NXPH2: variants seen among roughly 807,000 people sequenced by gnomAD.
NXPH2 encodes the protein neurexophilin 2.
A neutral mutation model predicts 19.8 loss-of-function variants in NXPH2; 5 were observed. The ratio of observed to expected loss-of-function variants is 0.25; its 90% CI spans 0.13 to 0.53. The LOEUF (loss-of-function observed/expected upper bound fraction) is 0.53. NXPH2 is among the 20% of genes least tolerant of loss of function. The pLI, the probability that NXPH2 is intolerant of heterozygous loss-of-function variation, is 0.96. For missense variants in NXPH2, 289 were observed against 322.8 expected, an observed-to-expected ratio of 0.90 and a Z score of 0.80; for synonymous variants, 154 against 127.4, an observed-to-expected ratio of 1.21 and a Z score of -1.41.
intron 1 of NXPH2, among the ~76,000 whole-genome samples, chr2:138,680,801 C>T (rs576556998): frequency 2.5e-4 from 38 of 152,256 alleles, no homozygotes; most frequent in African/African-American, 8.7e-4. Flanking sequence ...ACCAATTGAT[C>T]TTGGAATTTA....
intron 1 of NXPH2, among the ~76,000 whole-genome samples, chr2:138,688,477 C>T (rs10928661): frequency 0.15 from 22,878 of 152,154 alleles, 1,913 homozygotes; most frequent in East Asian, 0.22. Flanking sequence ...CCACCATGCT[C>T]GGATGAGGCA....
chr2:138,759,523 A>G (rs921916718), intron 1 of NXPH2, among the ~76,000 whole-genome samples: 2 of 151,856 alleles, frequency 1.3e-5, no homozygotes, highest in Non-Finnish European at 2.9e-5. Context: ...TGGGCAGAGT[A>G]CCAAGGACAG....
intron 1 of NXPH2, among the ~76,000 whole-genome samples, chr2:138,682,927 A>G (rs1680599245): frequency 6.6e-6 from 1 of 152,232 alleles, no homozygotes; most frequent in Admixed American, 6.5e-5. Context: ...GTATGCATGC[A>G]CATACCATAG....
At chr2:138,731,725 G>C (rs1681455746) in intron 1 of NXPH2, among the ~76,000 whole-genome samples, 1 of 151,986 alleles carries the variant, frequency 6.6e-6, no homozygotes, top group African/African-American at 2.4e-5. Flanking sequence ...GACAGGACTG[G>C]AGACCAAGGA....
chr2:138,687,963 C>T (rs2104973812), intron 1 of NXPH2, among the ~76,000 whole-genome samples: 1 of 152,228 alleles, frequency 6.6e-6, no homozygotes, highest in Admixed American at 6.5e-5. Context: ...AGTTTGAAGT[C>T]AGGTAGTGTG....
chr2:138,718,540 CA>C (rs1681227227), intron 1 of NXPH2, among the ~76,000 whole-genome samples: 1 of 152,040 alleles, frequency 6.6e-6, no homozygotes, highest in Admixed American at 6.5e-5. Flanking sequence ...AAACATTACT[CA>C]AAAAGGCTGT....
intron 1 of NXPH2, among the ~76,000 whole-genome samples, chr2:138,760,490 G>A (rs1170795539): frequency 6.6e-6 from 1 of 152,104 alleles, no homozygotes; most frequent in African/African-American, 2.4e-5. Flanking sequence ...CCCTGCTTTG[G>A]AGCAAAAATG....
intron 1 of NXPH2, among the ~76,000 whole-genome samples, chr2:138,764,533 G>A (rs1402059050): frequency 6.6e-6 from 1 of 152,190 alleles, no homozygotes; most frequent in African/African-American, 2.4e-5. Context: ...GCAAATTAGT[G>A]TTATAGGCAC....
intron 1 of NXPH2, among the ~76,000 whole-genome samples, chr2:138,680,877 A>G (rs2104969202): frequency 1.3e-5 from 2 of 152,312 alleles, no homozygotes; most frequent in South Asian, 4.1e-4. Flanking sequence ...AGAGTGTGAT[A>G]ACATTGTTAA....
chr2:138,770,909 C>G (rs1682165657), intron 1 of NXPH2, among the ~76,000 whole-genome samples: 1 of 151,866 alleles, frequency 6.6e-6, no homozygotes, highest in Non-Finnish European at 1.5e-5. Context: ...CTTTATATAC[C>G]TGATAAGTAA....
intron 1 of NXPH2, among the ~76,000 whole-genome samples, chr2:138,678,188 G>T (rs775841172): frequency 6.6e-6 from 1 of 152,134 alleles, no homozygotes. Flanking sequence ...CAGATATTTT[G>T]TAGAATACCC....
At chr2:138,731,293 A>C (rs1221185607) in intron 1 of NXPH2, among the ~76,000 whole-genome samples, 1 of 152,162 alleles carries the variant, frequency 6.6e-6, no homozygotes, top group Non-Finnish European at 1.5e-5. Flanking sequence ...GTTAGAAAAA[A>C]ATCACTGAAA....
chr2:138,696,214 A>T (rs958081376), intron 1 of NXPH2, among the ~76,000 whole-genome samples: 4 of 152,150 alleles, frequency 2.6e-5, no homozygotes, highest in Non-Finnish European at 4.4e-5. Context: ...CCTTGAACCC[A>T]GTGTACCATG....
intron 1 of NXPH2, among the ~76,000 whole-genome samples, chr2:138,751,535 T>C (rs1414045990): frequency 2.0e-5 from 3 of 152,122 alleles, no homozygotes; most frequent in Non-Finnish European, 2.9e-5. Context: ...TTGTGAACAA[T>C]TTTTTCCTTT....
chr2:138,751,607 C>G (rs1256012784), intron 1 of NXPH2, among the ~76,000 whole-genome samples: 2 of 152,064 alleles, frequency 1.3e-5, no homozygotes, highest in African/African-American at 2.4e-5. Flanking sequence ...AGTTTTGCCT[C>G]TCTGAGAAAC....
At chr2:138,775,499 TAAATAA>T (rs1682247191) in intron 1 of NXPH2, among the ~76,000 whole-genome samples, 1 of 152,120 alleles carries the variant, frequency 6.6e-6, no homozygotes, top group Non-Finnish European at 1.5e-5. Flanking sequence ...AATGCATTAG[TAAATAA>T]AGACTTATAA....
chr2:138,681,620 A>T (rs1349066385), intron 1 of NXPH2, among the ~76,000 whole-genome samples: 1 of 152,214 alleles, frequency 6.6e-6, no homozygotes, highest in Non-Finnish European at 1.5e-5. Flanking sequence ...GAATGAGCTG[A>T]ATACTCCAAA....
Position 138,671,116 on chromosome 2 carries a change from C to T in NXPH2, c.601G>A (p.Ala201Thr), listed in dbSNP as rs765810849. Residue 201 changes from alanine to threonine, a missense_variant, in exon 2 of 2, where the codon GCC becomes ACC. Transcript: ENST00000272641. ...YEKTDRAKKT[A>T]LCNFDPSKIC... is the part of the protein sequence containing the mutation. ...TTGGATGGGTCAAAGTTGCACAGGG[C>T]GGTCTTTTTCGCCCGATCTGTTTTT... The T allele has an allele frequency of 3.0e-5, 48 of 1,613,754 alleles. No individual in the cohort carries two copies. Among genetic ancestry groups the T allele is most frequent in the Admixed American group, 6.7e-5 (4 of 60,002 alleles).
rs551543034 is a variant in NXPH2 at position 138,669,757 on chromosome 2, A to G, written c.*1165T>C. On this transcript the variant is annotated 3_prime_UTR_variant, in exon 2 of 2. Coordinates refer to ENST00000272641, the MANE Select transcript of NXPH2 (RefSeq NM_007226.3). ...CCATATAGGACTGCTATTCACCCCCACAGGGAAGATGAGAAGGGCACTGAC... is the reference window on the plus strand; with the variant it reads ...CCATATAGGACTGCTATTCACCCCCGCAGGGAAGATGAGAAGGGCACTGAC... 4.6e-5 allele frequency among the ~76,000 whole-genome samples: 7 copies of G among 152,270 alleles called. No individual in the cohort carries two copies. The East Asian group carries it at 1.3e-3, about 29-fold the overall frequency.
Sources: allele counts gnomAD v4.1 joint callset (sites outside exome capture counted in the v4.1 genomes callset), GRCh38; gene constraint gnomAD v4.1.1; transcripts MANE v1.5; gene names NCBI Gene and HGNC (gene_info 2026-07-23, HGNC 2026-07-21).